TAF15: variants seen among roughly 807,000 people sequenced by gnomAD.
TAF15 encodes TATA-binding protein-associated factor 2N.
TAF15 carries 37 observed loss-of-function variants against 102.5 expected under a neutral mutation model. The ratio of observed to expected loss-of-function variants is 0.36; its 90% CI spans 0.28 to 0.47. The LOEUF (loss-of-function observed/expected upper bound fraction) is 0.47, where lower values mean the gene tolerates loss of function less well. Among genes scored for constraint, TAF15 ranks in the 20% least tolerant of loss-of-function variants. The pLI is 0.99. For missense variants in TAF15, 652 were observed against 760.7 expected (o/e 0.86, Z 1.68); for synonymous variants, 273 against 259.2 (o/e 1.05, Z -0.51).
At position 35,842,476 on chromosome 17, in the gene TAF15, G is replaced by T. The variant is rs558922143; in HGVS notation, c.1006+17G>T. The T allele has an allele frequency of 6.3e-7, 1 of 1,586,744 alleles. No homozygotes were observed. Among genetic ancestry groups the T allele is most frequent in the Non-Finnish European group, 8.7e-7 (1 of 1,155,592 alleles). ...GGCGGCGAGGTAAGATCCTTGCTGC[G>T]TACAGTCCTGGATACTATCCAAGGG... On this transcript the variant is annotated intron_variant, in intron 12 of 15. Transcript: ENST00000605844.
At chr17:35,819,126 C>G (rs531113601) in intron 2 of TAF15, among the ~76,000 whole-genome samples, 1 of 152,240 alleles carries the variant, frequency 6.6e-6, no homozygotes, top group African/African-American at 2.4e-5. Context: ...TTTAAGCTTC[C>G]TGAAAAACAA....
chr17:35,828,433 A>G (rs2087356752), intron 7 of TAF15, among the ~76,000 whole-genome samples: 1 of 152,254 alleles, frequency 6.6e-6, no homozygotes, highest in Non-Finnish European at 1.5e-5. Flanking sequence ...TCATGCAATC[A>G]ATATAAAAAA....
Position 35,840,247 on chromosome 17 carries a change from CTTTTTTTTTT to C in TAF15, c.913+1707_913+1716del, listed in dbSNP as rs370455465. Among the ~76,000 whole-genome samples, 115 of 119,394 alleles carry C rather than the reference CTTTTTTTTTT, an allele frequency of 9.6e-4. 1 individual carries two copies. In the East Asian group the frequency reaches 0.025, roughly 26 times the overall value. 78.3% of individuals were successfully genotyped at this position (119,394 alleles called of 152,430 possible). A position where few individuals can be genotyped will look rare whatever the true frequency, so the allele number is the denominator to read the frequency against. On this transcript the variant is annotated intron_variant, in intron 11 of 15. Coordinates refer to ENST00000605844, the MANE Select transcript of TAF15 (RefSeq NM_139215.3). ...CCAAAAACATAATTGCGTTATTTTCCTTTTTTTTTTTTTTTTTTTTTTGAGACTGAGTCTT... is the reference window on the plus strand; with the variant it reads ...CCAAAAACATAATTGCGTTATTTTCCTTTTTTTTTTTTGAGACTGAGTCTT...
rs550103815 is a variant in TAF15, at chr17:35,809,523, C to G, written c.-47C>G. ...CGCCGCGCCGCCTGGCTTTCGTATT[C>G]GTTGTTCTCGGCGGGCTGTGGGGCC... On this transcript the variant is annotated 5_prime_UTR_variant, in exon 1 of 16. Coordinates refer to ENST00000605844, the MANE Select transcript of TAF15 (RefSeq NM_139215.3). 8.1e-6 allele frequency: 13 copies of G among 1,612,356 alleles called. No individual in the cohort carries two copies. The South Asian group carries it at 9.9e-5, about 12-fold the overall frequency.
chr17:35,822,939 A>G, intron 6 of TAF15, 106 bp downstream of exon 6: 1 of 1,382,850 alleles, frequency 7.2e-7, no homozygotes, highest in African/African-American at 1.4e-5. Flanking sequence ...GTAAAAATTT[A>G]GGGTAACCTT....
intron 15 of TAF15, among the ~76,000 whole-genome samples, chr17:35,845,294 A>C (rs1001918153): frequency 1.3e-5 from 2 of 152,134 alleles, no homozygotes; most frequent in Non-Finnish European, 2.9e-5. Flanking sequence ...TTGCTCTGTC[A>C]TCCAGGCTAG....
rs202014042 is a variant in TAF15, at chr17:35,844,945, A to C, written c.1646A>C (p.Tyr549Ser). The change falls in exon 15 of 16, where the codon TAT becomes TCT. Residue 549 changes from tyrosine (Y) to serine (S), a missense_variant. Physicochemically the swap from Tyr to Ser is moderately radical, Grantham distance 144. This residue lies in a region of TAF15 where 368 missense variants were observed against 367.5 expected (regional missense o/e 1.00). Transcript: ENST00000605844. ...TACGGTGGAGACCGAAGTGGAGGCT[A>C]TGGAGGAGACAGGAGTGGTGGCGGC... The part of the protein sequence containing the change: ...SGYGGDRSGG[Y>S]GGDRSGGGYG... The C allele has an allele frequency of 6.3e-7, 1 of 1,582,460 alleles. No homozygotes were observed. Among genetic ancestry groups the C allele is most frequent in the Non-Finnish European group, 8.6e-7 (1 of 1,161,832 alleles).
chr17:35,843,975 G>T (rs905897453), intron 12 of TAF15, 102 bp from the exon 13 acceptor site: 3 of 1,019,228 alleles, frequency 2.9e-6, no homozygotes, highest in Non-Finnish European at 4.7e-6. Context: ...GCAGAGTGCT[G>T]CCTAAGTATT....
At chr17:35,817,322 G>T in intron 1 of TAF15, 1 of 216,874 alleles carries the variant, frequency 4.6e-6, no homozygotes, top group East Asian at 1.2e-4. Context: ...GGGGTGGTAA[G>T]GATGTTCAAG....
chr17:35,817,161 T>G (rs2087205798), intron 1 of TAF15: 1 of 152,694 alleles, frequency 6.5e-6, no homozygotes, highest in South Asian at 2.1e-4. Flanking sequence ...TGACTTGCTG[T>G]GCCAATTGGC....
chr17:35,812,595 A>C (rs1457618322), intron 1 of TAF15, among the ~76,000 whole-genome samples: 1 of 151,658 alleles, frequency 6.6e-6, no homozygotes, highest in Non-Finnish European at 1.5e-5. Flanking sequence ...AAAAAAAAAA[A>C]AAAAAAAAAA....
In TAF15 at chr17:35,842,355, C is replaced by CT; in HGVS notation, c.914-6dup. On this transcript the variant is annotated splice_polypyrimidine_tract_variant and intron_variant, in intron 11 of 15. Coordinates refer to ENST00000605844, the MANE Select transcript of TAF15 (RefSeq NM_139215.3). ...AGTAGCATTGCTTCAAAGCTGATTTCTTTTTTCTTAGGAAAAGAATTCCAT... is the reference window on the plus strand; with the variant it reads ...AGTAGCATTGCTTCAAAGCTGATTTCTTTTTTTCTTAGGAAAAGAATTCCAT... The CT allele has an allele frequency of 6.2e-7, 1 of 1,609,758 alleles. No individual in the cohort carries two copies.
chr17:35,822,737 G>A lies in TAF15; in HGVS notation c.388G>A (p.Asp130Asn). The A allele has an allele frequency of 6.2e-7, 1 of 1,614,078 alleles. No homozygotes were observed. The change falls in exon 6 of 16, where the codon GAT becomes AAT. Residue 130 changes from aspartate to asparagine, a missense_variant. Asp to Asn is a conservative substitution (Grantham distance 23). Transcript: ENST00000605844. ...SGYDQHQGSY[D>N]EQSNYDQQHD... is the part of the protein sequence containing the mutation. Reference sequence around the variant, plus strand: ...CTATGATCAACATCAAGGCTCATATGATGAGCAGTCAAATTATGATCAGCA... The same window carrying A: ...CTATGATCAACATCAAGGCTCATATAATGAGCAGTCAAATTATGATCAGCA...
chr17:35,813,413 C>A (rs959037460), intron 1 of TAF15, among the ~76,000 whole-genome samples: 2 of 152,126 alleles, frequency 1.3e-5, no homozygotes, highest in East Asian at 1.9e-4. Flanking sequence ...GTGGGTAGAT[C>A]GCGTGAGCTC....
chr17:35,843,106 C>CT (rs939021509), intron 12 of TAF15, among the ~76,000 whole-genome samples: 60 of 151,128 alleles, frequency 4.0e-4, no homozygotes, highest in South Asian at 8.4e-4. Context: ...TTACTGCCAG[C>CT]TTTTTTTTTA....
chr17:35,842,988 C>A (rs557524119), intron 12 of TAF15, among the ~76,000 whole-genome samples: 1 of 152,274 alleles, frequency 6.6e-6, no homozygotes, highest in East Asian at 1.9e-4. Context: ...CTTGGCCTTC[C>A]AAAGTGCTGG....
chr17:35,846,853 C>A, intron 15 of TAF15, 53 bp from the exon 16 acceptor site: 1 of 1,599,522 alleles, frequency 6.3e-7, no homozygotes, highest in Non-Finnish European at 8.6e-7. Context: ...GTCTAATGCT[C>A]CCCCTTCGTA....
intron 1 of TAF15, 61 bp downstream of exon 1, chr17:35,809,637 T>A: frequency 6.2e-7 from 1 of 1,609,990 alleles, no homozygotes; most frequent in Admixed American, 1.7e-5. Flanking sequence ...GGTTGGGCTG[T>A]CTTCCCGCCC....
In TAF15 at chr17:35,836,028, T is replaced by C. The variant is rs556880082; in HGVS notation, c.674-104T>C. On this transcript the variant is annotated intron_variant, in intron 9 of 15. Transcript: ENST00000605844. ...TATATTGGTCCTTTCCTTTTGGTCATAGAAACAATTGAATATTGGACAATA... is the reference window on the plus strand; with the variant it reads ...TATATTGGTCCTTTCCTTTTGGTCACAGAAACAATTGAATATTGGACAATA... The C allele has an allele frequency of 2.9e-4, 230 of 800,404 alleles. No individual in the cohort carries two copies. The African/African-American group carries it at 3.3e-3, about 11-fold the overall frequency. 49.6% of individuals were successfully genotyped at this position (800,404 alleles called of 1,614,324 possible).
Sources: gnomAD v4.1 joint callset for allele counts (sites outside exome capture counted in the v4.1 genomes callset) on GRCh38, gnomAD v4.1.1 for gene constraint, gnomAD v4.1.1 regional missense constraint, MANE v1.5 for transcripts, NCBI Gene and HGNC (gene_info 2026-07-23, HGNC 2026-07-21) for gene names.